CDC42SE2: variants seen among roughly 807,000 people sequenced by gnomAD.
The protein encoded by CDC42SE2 is CDC42 small effector 2.
Under a neutral mutation model 11.5 loss-of-function variants are expected in CDC42SE2, and 3 were observed. The ratio of observed to expected loss-of-function variants is 0.26; its 90% CI spans 0.12 to 0.67. The LOEUF is 0.67. Among genes scored for constraint, CDC42SE2 ranks in the 30% least tolerant of loss-of-function variants. CDC42SE2 has a pLI of 0.80. For missense variants in CDC42SE2, 82 were observed against 106.8 expected (o/e 0.77, Z 1.02); for synonymous variants, 33 against 34.8 (o/e 0.95, Z 0.18).
At chr5:131,254,414 C>T (rs901156306) in intron 1 of CDC42SE2, among the ~76,000 whole-genome samples, 8 of 151,844 alleles carry the variant, frequency 5.3e-5, no homozygotes, top group Non-Finnish European at 8.8e-5. Context: ...TGGTAGCCAG[C>T]GCCTGTAATC....
chr5:131,301,207 G>A lies in CDC42SE2; in HGVS notation c.-454-14769G>A, dbSNP rs146296148. On this transcript the variant is annotated intron_variant, in intron 1 of 4. Coordinates refer to ENST00000505065, the MANE Select transcript of CDC42SE2 (RefSeq NM_001375635.1). ...AAGGGTAGGGGGAAGAAGGAGAGAG[G>A]AGAGATGGGGTTAAAGGACACAAAA... Among the ~76,000 whole-genome samples the A allele has an allele frequency of 1.7e-3, 253 of 152,268 alleles. 1 individual carries two copies. In the East Asian group the frequency reaches 0.017, roughly 10 times the overall value.
At chr5:131,282,208 G>T (rs1757249532) in intron 1 of CDC42SE2, among the ~76,000 whole-genome samples, 1 of 152,186 alleles carries the variant, frequency 6.6e-6, no homozygotes, top group South Asian at 2.1e-4. Flanking sequence ...GACCAAAATT[G>T]TAAGAAAGTC....
Position 131,331,045 on chromosome 5 carries a change from A to C in CDC42SE2, c.-286+14901A>C, listed in dbSNP as rs148374507. Among the ~76,000 whole-genome samples, 245 of 152,148 alleles carry C rather than the reference A, an allele frequency of 1.6e-3. 1 individual carries two copies. The highest frequency in any genetic ancestry group is 5.6e-3 in the African/African-American group (232 of 41,500). On this transcript the variant is annotated intron_variant, in intron 2 of 4. Coordinates refer to ENST00000505065, the MANE Select transcript of CDC42SE2 (RefSeq NM_001375635.1). ...TCTCTCAAAAAAAATAAAATTATCT[A>C]AATGAAAATGTCAGTAGCACTGAGG...
At chr5:131,249,857 T>C (rs1398020428) in intron 1 of CDC42SE2, among the ~76,000 whole-genome samples, 1 of 152,062 alleles carries the variant, frequency 6.6e-6, no homozygotes, top group Non-Finnish European at 1.5e-5. Context: ...CACTCCAGTC[T>C]GGACAACAGA....
At chr5:131,295,624 A>G (rs1296123830) in intron 1 of CDC42SE2, among the ~76,000 whole-genome samples, 1 of 152,036 alleles carries the variant, frequency 6.6e-6, no homozygotes, top group Non-Finnish European at 1.5e-5. Context: ...ACTAGTAATA[A>G]TGTTTCTCTC....
At chr5:131,339,140 C>T (rs1051241481) in intron 2 of CDC42SE2, among the ~76,000 whole-genome samples, 8 of 145,782 alleles carry the variant, frequency 5.5e-5, no homozygotes, top group Admixed American at 3.5e-4. Flanking sequence ...CTCAGCTACT[C>T]GGCAGACTGA....
intron 2 of CDC42SE2, among the ~76,000 whole-genome samples, chr5:131,346,072 T>G (rs1037670412): frequency 5.3e-5 from 8 of 152,296 alleles, no homozygotes; most frequent in African/African-American, 1.2e-4. Context: ...AGACTATCAA[T>G]GCTAGGAAGA....
At chr5:131,300,214 C>T (rs1757651116) in intron 1 of CDC42SE2, among the ~76,000 whole-genome samples, 1 of 152,076 alleles carries the variant, frequency 6.6e-6, no homozygotes, top group Non-Finnish European at 1.5e-5. Context: ...AAAAACATGC[C>T]ATTACTGAGG....
chr5:131,279,451 T>G (rs7700658), intron 1 of CDC42SE2, among the ~76,000 whole-genome samples: 1 of 68,954 alleles, frequency 1.5e-5, no homozygotes, highest in South Asian at 6.6e-4. Context: ...TTCTCAGCCC[T>G]CCCCCCCCCC....
rs190709606 is a variant in CDC42SE2 at position 131,388,205 on chromosome 5, G to A, written c.156+2561G>A. On this transcript the variant is annotated intron_variant, in intron 4 of 4. Coordinates refer to ENST00000505065, the MANE Select transcript of CDC42SE2 (RefSeq NM_001375635.1). ...GAGCGGGGTTTCACCATGTTGGCGA[G>A]GCTGGTCTCAAACTCCGGACCTCCG... 5.3e-5 allele frequency among the ~76,000 whole-genome samples: 8 copies of A among 152,246 alleles called. No individual in the cohort carries two copies. The East Asian group carries it at 1.5e-3, about 29-fold the overall frequency.
chr5:131,316,669 A>G (rs1758045478), intron 2 of CDC42SE2, among the ~76,000 whole-genome samples: 1 of 152,156 alleles, frequency 6.6e-6, no homozygotes, highest in African/African-American at 2.4e-5. Flanking sequence ...CGTAGATGTG[A>G]TGTGTGGAAG....
chr5:131,271,786 A>T (rs1757000189), intron 1 of CDC42SE2, among the ~76,000 whole-genome samples: 1 of 152,110 alleles, frequency 6.6e-6, no homozygotes, highest in African/African-American at 2.4e-5. Flanking sequence ...TTGCCTTTTC[A>T]TACACATTCA....
At chr5:131,282,333 G>A (rs1757253133) in intron 1 of CDC42SE2, among the ~76,000 whole-genome samples, 3 of 152,300 alleles carry the variant, frequency 2.0e-5, no homozygotes, top group Non-Finnish European at 1.5e-5. Flanking sequence ...TGGGGAGAAA[G>A]TGTTCATTTT....
At chr5:131,263,529 C>G (rs994166224), upstream of CDC42SE2, 1 of 152,240 alleles carries the variant, frequency 6.6e-6, no homozygotes, top group South Asian at 2.1e-4. Context: ...CAGTTAATGA[C>G]TGATTGAACG....
intron 1 of CDC42SE2, among the ~76,000 whole-genome samples, chr5:131,264,491 AC>A (rs61561892): frequency 0.11 from 12,365 of 108,542 alleles, 992 homozygotes; most frequent in African/African-American, 0.27. Context: ...GGAAAGGCAG[AC>A]CCCCCCCCTC....
the CDC42SE2 span, among the ~76,000 whole-genome samples, chr5:131,240,427 C>T: frequency 2.0e-5 from 3 of 152,130 alleles, no homozygotes; most frequent in South Asian, 6.2e-4. Context: ...AAGGTGAAAC[C>T]AAACATAACT....
At chr5:131,246,903 C>T (rs1220468237) in intron 1 of CDC42SE2, among the ~76,000 whole-genome samples, 3 of 151,824 alleles carry the variant, frequency 2.0e-5, no homozygotes, top group Non-Finnish European at 4.4e-5. Context: ...GCCACCATGC[C>T]TGGCTAATTT....
At chr5:131,263,099 A>ATTTTTT (rs370938077), upstream of CDC42SE2, among the ~76,000 whole-genome samples, 2 of 137,776 alleles carry the variant, frequency 1.5e-5, no homozygotes, top group Admixed American at 7.2e-5. Context: ...CACCAGGGTA[A>ATTTTTT]TTTTTTTTTT....
At chr5:131,239,197 A>AATAT in the CDC42SE2 span, among the ~76,000 whole-genome samples, 10 of 151,430 alleles carry the variant, frequency 6.6e-5, no homozygotes, top group African/African-American at 2.2e-4. Context: ...GAAAGAAAGA[A>AATAT]ATATATATAT....
Sources: gnomAD v4.1 joint callset for allele counts (sites outside exome capture counted in the v4.1 genomes callset) on GRCh38, gnomAD v4.1.1 for gene constraint, MANE v1.5 for transcripts, NCBI Gene and HGNC (gene_info 2026-07-23, HGNC 2026-07-21) for gene names.